The following MCUB variants were observed in gnomAD, a reference collection of about 807,000 sequenced individuals.
The protein encoded by MCUB is calcium uniporter regulatory subunit MCUb, mitochondrial.
Under a neutral mutation model 41.4 loss-of-function variants are expected in MCUB, and 46 were observed. That is an observed-to-expected ratio of 1.11 (90% CI 0.88 to 1.42). The LOEUF is 1.42. Ranked by LOEUF, MCUB falls within the 40% of genes most tolerant of loss-of-function variation. The pLI, the probability that MCUB is intolerant of heterozygous loss-of-function variation, is 0.00. For missense variants in MCUB, 403 were observed against 404.9 expected, an observed-to-expected ratio of 1.00 and a Z score of 0.04; for synonymous variants, 148 against 148.2, an observed-to-expected ratio of 1.00 and a Z score of 0.01.
At chr4:109,633,040 G>A (rs778139319) in intron 1 of MCUB, among the ~76,000 whole-genome samples, 12 of 152,258 alleles carry the variant, frequency 7.9e-5, no homozygotes, top group Admixed American at 2.0e-4. Flanking sequence ...TAGGTAAGAA[G>A]GTGTGAGGTT....
chr4:109,589,955 C>T (rs750639653), intron 1 of MCUB, among the ~76,000 whole-genome samples: 19 of 152,162 alleles, frequency 1.2e-4, no homozygotes, highest in Non-Finnish European at 2.5e-4. Flanking sequence ...TGTTTCTTTC[C>T]TCTAGTTGAT....
At chr4:109,596,714 T>G (rs1008346617) in intron 1 of MCUB, among the ~76,000 whole-genome samples, 9 of 142,060 alleles carry the variant, frequency 6.3e-5, no homozygotes, top group Non-Finnish European at 1.4e-4. Context: ...TATTTAGGTC[T>G]TCTTAAACTT....
At chr4:109,680,841 A>ACCTTGTC (rs747189964) in intron 4 of MCUB, among the ~76,000 whole-genome samples, 28 of 152,066 alleles carry the variant, frequency 1.8e-4, no homozygotes, top group Non-Finnish European at 4.1e-4. Flanking sequence ...CCTTCCTCTC[A>ACCTTGTC]CCTTGTCCTC....
chr4:109,641,559 T>C (rs1215588181), intron 1 of MCUB, among the ~76,000 whole-genome samples: 1 of 152,206 alleles, frequency 6.6e-6, no homozygotes, highest in Non-Finnish European at 1.5e-5. Flanking sequence ...ATTACTAAGA[T>C]GTGACAGAGA....
chr4:109,590,534 G>T lies in MCUB; in HGVS notation c.99+30098G>T, dbSNP rs141341777. Among the ~76,000 whole-genome samples the T allele has an allele frequency of 3.5e-3, 535 of 152,264 alleles. 7 individuals are homozygous for T. Among genetic ancestry groups the T allele is most frequent in the East Asian group, 0.013 (68 of 5,186 alleles). On this transcript the variant is annotated intron_variant, in intron 1 of 7. Coordinates refer to ENST00000394650, the MANE Select transcript of MCUB (RefSeq NM_017918.5). ...AGTTTTTATTATCAGGTTTATATGT[G>T]CATACATTACAAGTCAAATAGTTGT...
intron 4 of MCUB, among the ~76,000 whole-genome samples, chr4:109,672,484 C>A (rs1200566832): frequency 6.6e-6 from 1 of 152,306 alleles, no homozygotes; most frequent in East Asian, 1.9e-4. Flanking sequence ...CCTGAGGCTT[C>A]TTCTCCCAGT....
chr4:109,620,052 A>T lies in MCUB; in HGVS notation c.100-38959A>T, dbSNP rs117979447. On this transcript the variant is annotated intron_variant, in intron 1 of 7. Coordinates refer to ENST00000394650, the MANE Select transcript of MCUB (RefSeq NM_017918.5). ...GCCAGTTCCCTGTCTCATCAGATAGATTCTGAGGCCTCTAGGCATCAGCCG... is the reference window on the plus strand; with the variant it reads ...GCCAGTTCCCTGTCTCATCAGATAGTTTCTGAGGCCTCTAGGCATCAGCCG... Among the ~76,000 whole-genome samples, 848 of 152,238 alleles carry T rather than the reference A, an allele frequency of 5.6e-3. 25 individuals are homozygous for T. In the East Asian group the frequency reaches 0.065, roughly 12 times the overall value.
At chr4:109,597,725 G>A (rs1727606871) in intron 1 of MCUB, among the ~76,000 whole-genome samples, 1 of 142,378 alleles carries the variant, frequency 7.0e-6, no homozygotes, top group Non-Finnish European at 1.5e-5. Flanking sequence ...GGCTGGCCGG[G>A]CGGGGGGCTG....
chr4:109,576,164 G>C (rs923157748), intron 1 of MCUB, among the ~76,000 whole-genome samples: 2 of 152,128 alleles, frequency 1.3e-5, no homozygotes. Flanking sequence ...GACGAAATAC[G>C]GATCAAGAGG....
At chr4:109,569,639 G>A (rs1342055709) in intron 1 of MCUB, among the ~76,000 whole-genome samples, 1 of 151,620 alleles carries the variant, frequency 6.6e-6, no homozygotes, top group Non-Finnish European at 1.5e-5. Context: ...AAGTAGCTGG[G>A]ATTACAGGTG....
chr4:109,584,759 G>A (rs185981138), intron 1 of MCUB, among the ~76,000 whole-genome samples: 17 of 152,252 alleles, frequency 1.1e-4, no homozygotes, highest in African/African-American at 3.1e-4. Flanking sequence ...GTAGTTGCGT[G>A]GTTTTGAATG....
At chr4:109,626,922 A>G (rs1728373871) in intron 1 of MCUB, among the ~76,000 whole-genome samples, 1 of 151,528 alleles carries the variant, frequency 6.6e-6, no homozygotes, top group East Asian at 1.9e-4. Context: ...TTGTCACATT[A>G]TAATTAAAAC....
intron 1 of MCUB, among the ~76,000 whole-genome samples, chr4:109,603,942 A>G (rs1359780059): frequency 6.6e-6 from 1 of 152,206 alleles, no homozygotes; most frequent in Non-Finnish European, 1.5e-5. Flanking sequence ...TGTTGAATAG[A>G]AAAGGGGGAA....
Position 109,687,605 on chromosome 4 carries a change from A to C in MCUB, c.*13A>C, listed in dbSNP as rs1227956417. On this transcript the variant is annotated 3_prime_UTR_variant, in exon 8 of 8. Transcript: ENST00000394650. Reference sequence around the variant, plus strand: ...TGAAAAGAATTAATCTTACAGTTTTAAATGTCGTCAGATTTTCCATTATGT... The same window carrying C: ...TGAAAAGAATTAATCTTACAGTTTTCAATGTCGTCAGATTTTCCATTATGT... 1.9e-6 allele frequency: 3 copies of C among 1,558,270 alleles called. No individual in the cohort carries two copies. The East Asian group carries it at 6.8e-5, about 35-fold the overall frequency.
At chr4:109,645,097 T>A (rs960262228) in intron 1 of MCUB, among the ~76,000 whole-genome samples, 18 of 152,196 alleles carry the variant, frequency 1.2e-4, no homozygotes, top group Admixed American at 7.2e-4. Context: ...AAACTCAGCA[T>A]TTTTTGAACT....
chr4:109,569,491 CTATCCCTTTTTTTTTT>C (rs938528372), intron 1 of MCUB, among the ~76,000 whole-genome samples: 5 of 142,824 alleles, frequency 3.5e-5, no homozygotes, highest in African/African-American at 5.2e-5. Flanking sequence ...ATTTTCTTGG[CTATCCCTTTTTTTTTT>C]TTTTTTTTTT....
intron 1 of MCUB, among the ~76,000 whole-genome samples, chr4:109,596,873 C>T (rs1727567913): frequency 6.6e-6 from 1 of 151,318 alleles, no homozygotes; most frequent in Non-Finnish European, 1.5e-5. Flanking sequence ...GGCAGAGGAC[C>T]CTGCGGCCTT....
chr4:109,608,717 C>T (rs1365966177), intron 1 of MCUB, among the ~76,000 whole-genome samples: 2 of 151,854 alleles, frequency 1.3e-5, no homozygotes, highest in African/African-American at 4.8e-5. Flanking sequence ...CCCAGGCTGA[C>T]CTCAAACTCC....
chr4:109,645,352 C>A (rs983772973), intron 1 of MCUB, among the ~76,000 whole-genome samples: 1 of 146,050 alleles, frequency 6.8e-6, no homozygotes, highest in East Asian at 1.9e-4. Context: ...CACTGCCCTA[C>A]TTCAGATTCT....
Sources: allele counts gnomAD v4.1 joint callset (sites outside exome capture counted in the v4.1 genomes callset), GRCh38; gene constraint gnomAD v4.1.1; transcripts MANE v1.5; gene names NCBI Gene and HGNC (gene_info 2026-07-23, HGNC 2026-07-21).